Variants in CTNNA3 observed in about 807,000 individuals in gnomAD.
CTNNA3 encodes catenin alpha-3.
CTNNA3 carries 76 observed loss-of-function variants against 95.7 expected under a neutral mutation model. The observed-to-expected ratio is 0.79, with a 90% confidence interval of 0.66 to 0.96. The LOEUF (loss-of-function observed/expected upper bound fraction) is 0.96. Ranked by LOEUF, CTNNA3 falls within the 40% of genes least tolerant of loss-of-function variation. The probability of loss-of-function intolerance (pLI) is 0.00; values close to 1 mark genes in which losing one functional copy is unlikely to be tolerated. For missense variants in CTNNA3, 1,191 were observed against 1,089.8 expected (o/e 1.09, Z -1.31); for synonymous variants, 431 against 374.4 (o/e 1.15, Z -1.74).
intron 12 of CTNNA3, among the ~76,000 whole-genome samples, chr10:66,334,657 C>T (rs571984748): frequency 1.1e-4 from 17 of 152,068 alleles, no homozygotes; most frequent in African/African-American, 2.7e-4. Context: ...TCTCTGGCTG[C>T]CCTTAACATT....
intron 13 of CTNNA3, among the ~76,000 whole-genome samples, chr10:66,250,296 A>T (rs1472696880): frequency 1.3e-5 from 2 of 152,084 alleles, no homozygotes; most frequent in African/African-American, 2.4e-5. Context: ...ACTTAGGGGG[A>T]AGTGAGGATA....
rs3056794 is a variant in CTNNA3, at chr10:67,208,378, C to CAAAAAAAAAAA, written c.843+11218_843+11228dup. ...TGGGTGACAGAGCAAGACTCTGTCTCAAAAAAAAAAAAAAAAATAGCCACA... is the reference window on the plus strand; with the variant it reads ...TGGGTGACAGAGCAAGACTCTGTCTCAAAAAAAAAAAAAAAAAAAAAAAAAAAATAGCCACA... On this transcript the variant is annotated intron_variant, in intron 6 of 17. Transcript: ENST00000433211. Among the ~76,000 whole-genome samples, 451 of 93,106 alleles carry CAAAAAAAAAAA rather than the reference C, an allele frequency of 4.8e-3. 4 individuals are homozygous for CAAAAAAAAAAA. Among genetic ancestry groups the CAAAAAAAAAAA allele is most frequent in the African/African-American group, 0.015 (430 of 29,066 alleles). 61.1% of individuals were successfully genotyped at this position (93,106 alleles called of 152,430 possible). A position where few individuals can be genotyped will look rare whatever the true frequency, so the allele number is the denominator to read the frequency against.
At chr10:66,701,442 A>G (rs1177751387) in intron 9 of CTNNA3, among the ~76,000 whole-genome samples, 43 of 152,304 alleles carry the variant, frequency 2.8e-4, no homozygotes, top group Admixed American at 2.5e-3. Context: ...TCAATTGAGG[A>G]GAAGAGAAGA....
chr10:66,050,338 T>TA (rs11382507), intron 15 of CTNNA3, among the ~76,000 whole-genome samples: 42,204 of 148,374 alleles, frequency 0.28, 5,962 homozygotes, highest in South Asian at 0.41. Flanking sequence ...CACATTTCAG[T>TA]AAAAAAAAAA....
At chr10:66,235,958 A>G (rs974303719) in intron 13 of CTNNA3, among the ~76,000 whole-genome samples, 1 of 152,184 alleles carries the variant, frequency 6.6e-6, no homozygotes, top group Admixed American at 6.5e-5. Context: ...TTCTCATAGT[A>G]GCACTTTTGA....
At chr10:66,387,879 G>T (rs1308767353) in intron 11 of CTNNA3, among the ~76,000 whole-genome samples, 1 of 152,082 alleles carries the variant, frequency 6.6e-6, no homozygotes, top group Non-Finnish European at 1.5e-5. Context: ...CTCACTCATT[G>T]GTGGGAACTG....
chr10:66,155,557 G>C (rs1454949503), intron 13 of CTNNA3, among the ~76,000 whole-genome samples: 2 of 151,806 alleles, frequency 1.3e-5, no homozygotes, highest in African/African-American at 4.8e-5. Flanking sequence ...ACACGTTCCT[G>C]ATCTACAGCA....
At chr10:66,348,494 C>T (rs1343080743) in intron 12 of CTNNA3, among the ~76,000 whole-genome samples, 2 of 151,892 alleles carry the variant, frequency 1.3e-5, no homozygotes, top group Non-Finnish European at 2.9e-5. Flanking sequence ...ATGTATAAAA[C>T]AATACAGGGA....
chr10:66,005,006 T>A (rs1327343304), intron 15 of CTNNA3, among the ~76,000 whole-genome samples: 2 of 152,224 alleles, frequency 1.3e-5, no homozygotes, highest in African/African-American at 4.8e-5. Flanking sequence ...TGGTTCCTTC[T>A]GGAGGCTCTG....
At chr10:67,620,921 GTGTATATATATATA>G (rs1188273333) in intron 2 of CTNNA3, among the ~76,000 whole-genome samples, 3 of 94,832 alleles carry the variant, frequency 3.2e-5, no homozygotes, top group African/African-American at 1.4e-4. Flanking sequence ...GTGTGTGTGT[GTGTATATATATATA>G]TATATATATA....
At chr10:66,038,394 C>T (rs1466358942) in intron 15 of CTNNA3, among the ~76,000 whole-genome samples, 1 of 152,090 alleles carries the variant, frequency 6.6e-6, no homozygotes, top group African/African-American at 2.4e-5. Context: ...GTTTGGAAGA[C>T]AGTAGCTTCG....
At chr10:66,361,232 G>T (rs1483837978) in intron 12 of CTNNA3, among the ~76,000 whole-genome samples, 1 of 150,830 alleles carries the variant, frequency 6.6e-6, no homozygotes, top group Non-Finnish European at 1.5e-5. Flanking sequence ...GCCCCCTAAA[G>T]TATTGGGATT....
At position 67,289,774 on chromosome 10, in the gene CTNNA3, GGATGGACGGATGGATGGATGGTT is replaced by G. The variant is rs1185792836; in HGVS notation, c.580-69927_580-69905del. Among the ~76,000 whole-genome samples, 88 of 139,400 alleles carry G rather than the reference GGATGGACGGATGGATGGATGGTT, an allele frequency of 6.3e-4. 1 individual carries two copies. The highest frequency in any genetic ancestry group is 2.6e-3 in the African/African-American group (77 of 29,760). 91.5% of individuals were successfully genotyped at this position (139,400 alleles called of 152,430 possible). On this transcript the variant is annotated intron_variant, in intron 5 of 17. Transcript: ENST00000433211. The stretch of plus-strand genomic sequence containing the variant: ...AGGATGGATGAATGGATGGATGGAT[GGATGGACGGATGGATGGATGGTT>G]GATGGATGGATTTATTTATTTATTT...
chr10:66,473,770 G>GT (rs533743322), intron 11 of CTNNA3, among the ~76,000 whole-genome samples: 75 of 152,002 alleles, frequency 4.9e-4, no homozygotes, highest in Non-Finnish European at 8.8e-4. Context: ...GCGGTGTTTG[G>GT]TTTTTTGTCC....
intron 7 of CTNNA3, among the ~76,000 whole-genome samples, chr10:67,050,990 A>G (rs956783432): frequency 2.6e-5 from 4 of 152,236 alleles, no homozygotes; most frequent in Admixed American, 6.5e-5. Context: ...ATATTTATTT[A>G]TTGAACTCTT....
intron 5 of CTNNA3, among the ~76,000 whole-genome samples, chr10:67,326,813 T>C (rs903626240): frequency 2.0e-5 from 3 of 152,308 alleles, no homozygotes; most frequent in South Asian, 4.2e-4. Context: ...TCCTGAAATA[T>C]ATTTTCCAAG....
intron 7 of CTNNA3, among the ~76,000 whole-genome samples, chr10:66,914,348 T>C (rs1289072049): frequency 6.6e-6 from 1 of 152,002 alleles, no homozygotes; most frequent in African/African-American, 2.4e-5. Flanking sequence ...CCCAGGATGG[T>C]CTCGATCTCC....
intron 13 of CTNNA3, among the ~76,000 whole-genome samples, chr10:66,156,890 G>A (rs566136894): frequency 9.2e-5 from 14 of 151,926 alleles, no homozygotes; most frequent in Admixed American, 8.5e-4. Flanking sequence ...TTTTGAATAG[G>A]GCATTGCCTT....
chr10:66,809,089 C>A (rs1841773813), intron 7 of CTNNA3, among the ~76,000 whole-genome samples: 1 of 152,134 alleles, frequency 6.6e-6, no homozygotes, highest in African/African-American at 2.4e-5. Context: ...TTGGAACTTG[C>A]ATAACCCTTC....
Sources: allele counts gnomAD v4.1 joint callset (sites outside exome capture counted in the v4.1 genomes callset), GRCh38; gene constraint gnomAD v4.1.1; transcripts MANE v1.5; gene names NCBI Gene and HGNC (gene_info 2026-07-23, HGNC 2026-07-21).